The following KLHL14 variants were observed in gnomAD, a reference collection of about 807,000 sequenced individuals.
The protein encoded by KLHL14 is kelch-like protein 14.
KLHL14 carries 22 observed loss-of-function variants against 64.3 expected under a neutral mutation model. The ratio of observed to expected loss-of-function variants is 0.34; its 90% CI spans 0.24 to 0.49. The LOEUF (loss-of-function observed/expected upper bound fraction) is 0.49. Among genes scored for constraint, KLHL14 ranks in the 20% least tolerant of loss-of-function variants. The pLI is 0.99. For missense variants in KLHL14, 661 were observed against 789.0 expected (o/e 0.84, Z 1.94); for synonymous variants, 322 against 333.4 (o/e 0.97, Z 0.37).
At chr18:32,677,494 C>T (rs1275646434) in intron 7 of KLHL14, among the ~76,000 whole-genome samples, 164 bp from the exon 8 acceptor site, 1 of 152,128 alleles carries the variant, frequency 6.6e-6, no homozygotes, top group East Asian at 1.9e-4. Flanking sequence ...GTCAGAAAGA[C>T]CTAGAAAACC....
rs779447886 is a variant in KLHL14, at chr18:32,677,331, C to T, written c.1589-1G>A. 1 of 1,610,052 alleles carries T rather than the reference C, an allele frequency of 6.2e-7. No individual in the cohort carries two copies. The highest frequency in any genetic ancestry group is 1.7e-5 in the Admixed American group (1 of 59,458). On this transcript the variant is annotated splice_acceptor_variant, in intron 7 of 8. Coordinates refer to ENST00000359358, the MANE Select transcript of KLHL14 (RefSeq NM_020805.3). LOFTEE classifies it high-confidence loss of function. ...AGCATTACATCAAGGTGGGAGAAACCTAAGTGACAGAACAAAGTGGAACAA... is the reference window on the plus strand; with the variant it reads ...AGCATTACATCAAGGTGGGAGAAACTTAAGTGACAGAACAAAGTGGAACAA...
chr18:32,690,544 C>T (rs929362000), intron 4 of KLHL14, among the ~76,000 whole-genome samples: 1 of 152,062 alleles, frequency 6.6e-6, no homozygotes, highest in Non-Finnish European at 1.5e-5. Flanking sequence ...GCCTGGCCAA[C>T]ATGGTGAAAC....
intron 3 of KLHL14, among the ~76,000 whole-genome samples, chr18:32,703,296 A>G (rs1598555666): frequency 6.6e-6 from 1 of 152,310 alleles, no homozygotes; most frequent in Middle Eastern, 3.4e-3. Context: ...GAATAGCACG[A>G]ATGACTGAAT....
chr18:32,716,238 C>G (rs2050044537), intron 3 of KLHL14, among the ~76,000 whole-genome samples: 1 of 151,894 alleles, frequency 6.6e-6, no homozygotes, highest in Non-Finnish European at 1.5e-5. Context: ...CTTCAGTTAC[C>G]TCCTTTCAAC....
chr18:32,693,405 CACACACACAG>C (rs1249708908), intron 4 of KLHL14, among the ~76,000 whole-genome samples: 8 of 120,836 alleles, frequency 6.6e-5, no homozygotes, highest in Admixed American at 3.5e-4. Flanking sequence ...CACACACACA[CACACACACAG>C]AGAGAGAGAG....
At chr18:32,767,940 T>C (rs557769028) in intron 2 of KLHL14, among the ~76,000 whole-genome samples, 34 of 152,380 alleles carry the variant, frequency 2.2e-4, no homozygotes, top group African/African-American at 7.9e-4. Flanking sequence ...GTCTGAATTA[T>C]TGACTATGTG....
At chr18:32,760,621 T>C (rs1169549278) in intron 2 of KLHL14, among the ~76,000 whole-genome samples, 1 of 152,078 alleles carries the variant, frequency 6.6e-6, no homozygotes, top group African/African-American at 2.4e-5. Context: ...TCTGAGGAAG[T>C]TCAGAGTCCC....
intron 3 of KLHL14, among the ~76,000 whole-genome samples, chr18:32,703,528 A>C (rs941770625): frequency 1.3e-5 from 2 of 152,178 alleles, no homozygotes; most frequent in African/African-American, 4.8e-5. Flanking sequence ...GCCATATATT[A>C]TTTCTTTCCA....
intron 2 of KLHL14, among the ~76,000 whole-genome samples, chr18:32,754,662 T>C (rs1347995123): frequency 1.3e-5 from 2 of 152,214 alleles, no homozygotes; most frequent in Non-Finnish European, 2.9e-5. Context: ...GGGGAAACTG[T>C]GAGGCTCTTT....
intron 2 of KLHL14, among the ~76,000 whole-genome samples, chr18:32,755,625 GA>G (rs2050278022): frequency 6.6e-6 from 1 of 152,046 alleles, no homozygotes; most frequent in Non-Finnish European, 1.5e-5. Context: ...TCAAAAAACA[GA>G]AGCAATTATT....
chr18:32,695,316 A>G (rs760849291), intron 4 of KLHL14, 147 bp downstream of exon 4: 1 of 638,486 alleles, frequency 1.6e-6, no homozygotes, highest in Non-Finnish European at 2.8e-6. Flanking sequence ...CCTCTCTCCA[A>G]TTGTCAGCCC....
At chr18:32,733,387 A>G (rs1294843974) in intron 3 of KLHL14, among the ~76,000 whole-genome samples, 29 of 134,738 alleles carry the variant, frequency 2.2e-4, no homozygotes, top group African/African-American at 8.5e-4. Context: ...AAGAGAGAGA[A>G]AGGAGAGAGA....
At chr18:32,677,669 C>T (rs907204398) in intron 7 of KLHL14, among the ~76,000 whole-genome samples, 4 of 152,166 alleles carry the variant, frequency 2.6e-5, no homozygotes, top group Non-Finnish European at 5.9e-5. Context: ...GTACAAGGCA[C>T]TTACAATATG....
intron 3 of KLHL14, among the ~76,000 whole-genome samples, chr18:32,736,607 G>C (rs183015171): frequency 7.3e-4 from 111 of 152,134 alleles, no homozygotes; most frequent in African/African-American, 2.3e-3. Context: ...CCTTGAAATA[G>C]TCTCCATGTG....
Position 32,680,213 on chromosome 18 carries a change from A to G in KLHL14, c.1544T>C (p.Val515Ala). ...NTKRAIHTLA[V>A]MNDRLYAIGG... ...AATTGCATACAAGCGATCATTCATTACAGCCAAAGTGTGAATTGCACGTTT... is the reference window on the plus strand; with the variant it reads ...AATTGCATACAAGCGATCATTCATTGCAGCCAAAGTGTGAATTGCACGTTT... The change falls in exon 7 of 9, where the codon GTA becomes GCA. Residue 515 changes from valine to alanine, a missense_variant. Coordinates refer to ENST00000359358, the MANE Select transcript of KLHL14 (RefSeq NM_020805.3). The surrounding 1 kb of genome is among the most constrained non-coding windows in gnomAD (Gnocchi z 4.8). 1 of 1,613,858 alleles carries G rather than the reference A, an allele frequency of 6.2e-7. No individual in the cohort carries two copies. Among genetic ancestry groups the G allele is most frequent in the Non-Finnish European group, 8.5e-7 (1 of 1,179,820 alleles).
Position 32,695,563 on chromosome 18 carries a change from G to C in KLHL14, c.1070-11C>G. On this transcript the variant is annotated splice_polypyrimidine_tract_variant and intron_variant, in intron 3 of 8. Transcript: ENST00000359358. ...TGTTGTATGGCATAACTGAAATTAA[G>C]AAAAAAAAAAAAGACATATGAAATT... 2 of 1,210,328 alleles carry C rather than the reference G, an allele frequency of 1.7e-6. No individual in the cohort carries two copies. The highest frequency in any genetic ancestry group is 2.9e-5 in the East Asian group (1 of 34,926). 75.0% of individuals were successfully genotyped at this position (1,210,328 alleles called of 1,614,324 possible).
intron 3 of KLHL14, among the ~76,000 whole-genome samples, chr18:32,706,150 T>G (rs1004876031): frequency 2.0e-5 from 3 of 152,226 alleles, no homozygotes; most frequent in African/African-American, 7.2e-5. Context: ...AGTCTTCCAA[T>G]GGCCATTTCA....
chr18:32,719,520 C>T (rs1318565024), intron 3 of KLHL14, among the ~76,000 whole-genome samples: 1 of 152,166 alleles, frequency 6.6e-6, no homozygotes, highest in Non-Finnish European at 1.5e-5. Flanking sequence ...TGATGTAATG[C>T]ATCTGAATTG....
intron 3 of KLHL14, among the ~76,000 whole-genome samples, chr18:32,731,525 G>C (rs1402086282): frequency 6.6e-6 from 1 of 152,112 alleles, no homozygotes; most frequent in African/African-American, 2.4e-5. Flanking sequence ...AGAAAAGATA[G>C]CTATTGGGTA....
Sources: gnomAD v4.1 joint callset for allele counts (sites outside exome capture counted in the v4.1 genomes callset) on GRCh38, gnomAD v4.1.1 for gene constraint, Gnocchi (gnomAD v3.1) non-coding constraint, MANE v1.5 for transcripts, NCBI Gene and HGNC (gene_info 2026-07-23, HGNC 2026-07-21) for gene names.